The following FANCA variants were observed in gnomAD, a reference collection of about 807,000 sequenced individuals.
The protein encoded by FANCA is FA complementation group A, also known as Fanconi anemia group A protein.
In FANCA, 236 loss-of-function variants were observed where a neutral mutation model predicts 194.3. The ratio of observed to expected loss-of-function variants is 1.21; its 90% CI spans 1.09 to 1.35. The LOEUF is 1.35. Ranked by LOEUF, FANCA falls within the 40% of genes most tolerant of loss-of-function variation. The pLI is 0.00. For synonymous variants in FANCA, 1,014 were observed against 715.8 expected (o/e 1.42, Z -6.65); for missense variants, 2,628 against 1,813.9 (o/e 1.45, Z -8.15).
intron 29 of FANCA, 92 bp downstream of exon 29, chr16:89,761,857 T>C: frequency 9.8e-7 from 1 of 1,018,002 alleles, no homozygotes; most frequent in Non-Finnish European, 1.6e-6. Context: ...AACTCCTGGA[T>C]TCAAGAGATC....
At chr16:89,742,964 G>T (rs1325982029) in intron 36 of FANCA, 26 bp from the exon 37 acceptor site, 4 of 1,611,778 alleles carry the variant, frequency 2.5e-6, no homozygotes, top group Non-Finnish European at 3.4e-6. Flanking sequence ...CGGGGTCATT[G>T]CAGGGCCTTA....
At chr16:89,805,607 T>C (rs527859898) in intron 6 of FANCA, among the ~76,000 whole-genome samples, 19 of 152,168 alleles carry the variant, frequency 1.2e-4, no homozygotes, top group African/African-American at 4.6e-4. Flanking sequence ...AACAGGCGCA[T>C]ACCACCACGC....
chr16:89,780,336 C>A (rs1473060392), intron 17 of FANCA, among the ~76,000 whole-genome samples: 1 of 152,138 alleles, frequency 6.6e-6, no homozygotes, highest in African/African-American at 2.4e-5. Context: ...AAAGAAATTA[C>A]GAGGGCTGGG....
chr16:89,807,559 G>A (rs1254802679), intron 6 of FANCA, among the ~76,000 whole-genome samples: 1 of 151,972 alleles, frequency 6.6e-6, no homozygotes, highest in Admixed American at 6.6e-5. Context: ...ACACCAGCCT[G>A]GCTAACATGG....
chr16:89,798,618 G>T, intron 10 of FANCA: 1 of 1,169,458 alleles, frequency 8.6e-7, no homozygotes, highest in Non-Finnish European at 1.1e-6. Flanking sequence ...CTTCCACCCA[G>T]CCCCCACTCC....
intron 10 of FANCA, chr16:89,798,882 T>A: frequency 6.4e-7 from 1 of 1,571,008 alleles, no homozygotes; most frequent in South Asian, 1.2e-5. Context: ...CAGGAGGAGG[T>A]CACAGTGAGT....
intron 8 of FANCA, among the ~76,000 whole-genome samples, chr16:89,801,239 G>A (rs1399307898): frequency 6.6e-6 from 1 of 150,678 alleles, no homozygotes; most frequent in African/African-American, 2.4e-5. Context: ...AGCTATTCAG[G>A]AGGCTGAGGC....
At chr16:89,766,454 A>C (rs1425081414) in intron 27 of FANCA, among the ~76,000 whole-genome samples, 1 of 152,062 alleles carries the variant, frequency 6.6e-6, no homozygotes, top group African/African-American at 2.4e-5. Context: ...TCACGCCTGT[A>C]ATCCCAGCAC....
chr16:89,816,206 C>G (rs1178424876), intron 1 of FANCA: 1 of 547,892 alleles, frequency 1.8e-6, no homozygotes, highest in Non-Finnish European at 3.3e-6. Context: ...CAGGGGAGCC[C>G]GGGGACGGCT....
chr16:89,769,970 G>C lies in FANCA; in HGVS notation c.2371C>G (p.Leu791Val). 6.2e-7 allele frequency: 1 copy of C among 1,614,048 alleles called. No individual in the cohort carries two copies. The change falls in exon 26 of 43, where the codon CTG (leucine) becomes GTG (valine). Residue 791 changes from leucine to valine, a missense_variant. Physicochemically the swap from Leu to Val is conservative, Grantham distance 32. Transcript: ENST00000389301. Reference protein sequence around the residue: ...VLGLAALAVHLGESRSALPEV... With the variant: ...VLGLAALAVHVGESRSALPEV... ...GGGAGCGCAGACCTGGACTCACCCA[G>C]GTGCACGGCCAGGGCAGCCAACCCC...
chr16:89,785,820 C>G (rs1348750750), intron 14 of FANCA, among the ~76,000 whole-genome samples: 1 of 150,232 alleles, frequency 6.7e-6, no homozygotes, highest in East Asian at 2.0e-4. Context: ...ACTGAAGGCT[C>G]ACCTTGGTCT....
chr16:89,813,323 A>C (rs2040975158), intron 3 of FANCA, among the ~76,000 whole-genome samples: 2 of 151,524 alleles, frequency 1.3e-5, no homozygotes, highest in South Asian at 4.2e-4. Flanking sequence ...TGGGAGGATC[A>C]CTTGAGGCCA....
chr16:89,791,394 G>T lies in FANCA; in HGVS notation c.1359+9C>A, dbSNP rs375487246. ...CAGGTATTAGGTAGCCGATTGGCAG[G>T]TCACTTACCTTGAACCAGTCTGCAT... On this transcript the variant is annotated intron_variant, in intron 14 of 42. Transcript: ENST00000389301. The T allele has an allele frequency of 1.2e-6, 2 of 1,613,630 alleles. No homozygotes were observed. The highest frequency in any genetic ancestry group is 1.3e-5 in the African/African-American group (1 of 75,048).
Position 89,752,213 on chromosome 16 carries a change from A to T in FANCA, c.2991T>A (p.Ser997Arg), listed in dbSNP as rs1329130081. 6.2e-7 allele frequency: 1 copy of T among 1,613,554 alleles called. No individual in the cohort carries two copies. The highest frequency in any genetic ancestry group is 8.5e-7 in the Non-Finnish European group (1 of 1,179,584). ...ALMDFHQSSR[S>R]YDHSENSDLV... ...AATCAGAATTTTCTGAGTGGTCATA[A>T]CTCCTTGAGCTGAAATGAAAATACA... Residue 997 changes from serine (S) to arginine (R), a missense_variant, in exon 31 of 43, where the codon AGT (serine) becomes AGA (arginine). Transcript: ENST00000389301.
chr16:89,741,988 A>G (rs978034785), intron 37 of FANCA, among the ~76,000 whole-genome samples: 1 of 151,208 alleles, frequency 6.6e-6, no homozygotes, highest in African/African-American at 2.4e-5. Flanking sequence ...TTTTTTTGAG[A>G]CAAGTCTCGC....
chr16:89,803,107 T>G (rs969873973), intron 8 of FANCA, 152 bp downstream of exon 8: 36 of 779,738 alleles, frequency 4.6e-5, no homozygotes, highest in Non-Finnish European at 7.8e-5. Flanking sequence ...CCTGACTTGA[T>G]CATTACACTC....
chr16:89,762,129 C>T (rs1271283828), intron 28 of FANCA, 107 bp from the exon 29 acceptor site: 7 of 855,948 alleles, frequency 8.2e-6, no homozygotes, highest in Non-Finnish European at 1.4e-5. Context: ...TCCTCCATGT[C>T]CCTGTGTTAT....
intron 35 of FANCA, 105 bp downstream of exon 35, chr16:89,746,479 G>A: frequency 2.2e-6 from 2 of 912,484 alleles, no homozygotes; most frequent in South Asian, 1.4e-5. Context: ...TTTTCCCTGA[G>A]ATGGTAACAC....
chr16:89,753,953 C>G (rs1256716331), intron 30 of FANCA, among the ~76,000 whole-genome samples: 4 of 152,326 alleles, frequency 2.6e-5, no homozygotes, highest in Non-Finnish European at 5.9e-5. Flanking sequence ...TATTGGGAGG[C>G]TGAGGCAGCA....
Sources: allele counts gnomAD v4.1 joint callset (sites outside exome capture counted in the v4.1 genomes callset), GRCh38; gene constraint gnomAD v4.1.1; transcripts MANE v1.5; gene names NCBI Gene and HGNC (gene_info 2026-07-23, HGNC 2026-07-21).